Variants in TENM4 observed in about 807,000 individuals in gnomAD.
TENM4 encodes the protein teneurin transmembrane protein 4.
Under a neutral mutation model 243.3 loss-of-function variants are expected in TENM4, and 82 were observed. The ratio of observed to expected loss-of-function variants is 0.34; its 90% CI spans 0.28 to 0.40. TENM4 has a LOEUF of 0.40. TENM4 is among the 10% of genes least tolerant of loss of function. The pLI, the probability that TENM4 is intolerant of heterozygous loss-of-function variation, is 1.00. For missense variants in TENM4, 3,138 were observed against 3,673.3 expected (o/e 0.85, Z 3.77); for synonymous variants, 1,412 against 1,456.3 (o/e 0.97, Z 0.69).
At chr11:79,168,538 A>G (rs1862969080) in intron 3 of TENM4, among the ~76,000 whole-genome samples, 1 of 152,188 alleles carries the variant, frequency 6.6e-6, no homozygotes, top group Non-Finnish European at 1.5e-5. Context: ...AAAGCTAGAC[A>G]CATAGAGGAG....
intron 6 of TENM4, among the ~76,000 whole-genome samples, chr11:78,978,536 A>C (rs1035375115): frequency 4.6e-5 from 7 of 152,136 alleles, no homozygotes; most frequent in Admixed American, 3.3e-4. Context: ...GCAGGAATGA[A>C]CCAAAGTGGG....
chr11:79,415,632 G>A (rs1296929739), intron 1 of TENM4, among the ~76,000 whole-genome samples: 1 of 152,194 alleles, frequency 6.6e-6, no homozygotes, highest in Non-Finnish European at 1.5e-5. Flanking sequence ...TCCACTCACT[G>A]TGGTGGCATC....
chr11:78,764,024 A>G (rs561861092), intron 18 of TENM4, among the ~76,000 whole-genome samples: 197 of 146,874 alleles, frequency 1.3e-3, no homozygotes, highest in Non-Finnish European at 2.5e-3. Context: ...TGGGCCCCTC[A>G]TTTCCCTTTC....
chr11:78,916,949 C>T (rs1388893126), intron 6 of TENM4, among the ~76,000 whole-genome samples: 1 of 152,156 alleles, frequency 6.6e-6, no homozygotes, highest in Admixed American at 6.5e-5. Context: ...ACTTTTGATG[C>T]CTCCTAGAGG....
chr11:78,668,366 G>T (rs780771912), intron 32 of TENM4, among the ~76,000 whole-genome samples: 2 of 152,006 alleles, frequency 1.3e-5, no homozygotes, highest in Non-Finnish European at 2.9e-5. Context: ...TTCAATTTAC[G>T]TATCAGGAAA....
intron 9 of TENM4, among the ~76,000 whole-genome samples, chr11:78,884,616 T>C (rs1003420915): frequency 6.6e-6 from 1 of 152,200 alleles, no homozygotes; most frequent in Non-Finnish European, 1.5e-5. Flanking sequence ...CAGAAAATCA[T>C]ACTCATCCCA....
chr11:79,418,486 G>A (rs1034467134), intron 1 of TENM4, among the ~76,000 whole-genome samples: 2 of 152,182 alleles, frequency 1.3e-5, no homozygotes. Context: ...GGCTCTAAAC[G>A]CCAATTCTGG....
chr11:79,421,993 C>G (rs962314258), intron 1 of TENM4, among the ~76,000 whole-genome samples: 1 of 152,036 alleles, frequency 6.6e-6, no homozygotes, highest in Non-Finnish European at 1.5e-5. Context: ...TAACGCACAC[C>G]CCACACGTGG....
At chr11:79,274,504 ATCT>A (rs1055467740) in intron 2 of TENM4, among the ~76,000 whole-genome samples, 52 of 152,324 alleles carry the variant, frequency 3.4e-4, no homozygotes, top group African/African-American at 1.3e-3. Flanking sequence ...AGCTCCCTGC[ATCT>A]TCTTTATATT....
At chr11:79,242,133 T>C (rs2135283223) in intron 2 of TENM4, among the ~76,000 whole-genome samples, 1 of 152,366 alleles carries the variant, frequency 6.6e-6, no homozygotes, top group South Asian at 2.1e-4. Flanking sequence ...TCGCTTCTTT[T>C]AGGAGCAGAG....
At chr11:79,368,576 A>G (rs1209445851) in intron 1 of TENM4, among the ~76,000 whole-genome samples, 2 of 152,318 alleles carry the variant, frequency 1.3e-5, no homozygotes, top group Non-Finnish European at 2.9e-5. Flanking sequence ...AGTGGTTAAA[A>G]GCACAGGTTC....
intron 15 of TENM4, among the ~76,000 whole-genome samples, chr11:78,804,633 C>G (rs968831631): frequency 5.9e-5 from 9 of 152,204 alleles, no homozygotes; most frequent in Admixed American, 3.9e-4. Context: ...ATGTACAAAC[C>G]CTGTGATGAA....
chr11:79,389,725 T>C (rs976525953), intron 1 of TENM4, among the ~76,000 whole-genome samples: 2 of 152,192 alleles, frequency 1.3e-5, no homozygotes, highest in African/African-American at 2.4e-5. Context: ...TTAGGCAAAA[T>C]GTTATCCCCC....
At chr11:78,663,997 A>G (rs1858090887) in intron 32 of TENM4, among the ~76,000 whole-genome samples, 1 of 152,220 alleles carries the variant, frequency 6.6e-6, no homozygotes. Flanking sequence ...TACTTGTTTC[A>G]GCCTTACTAG....
At chr11:78,982,296 C>T (rs1201288863) in intron 6 of TENM4, among the ~76,000 whole-genome samples, 2 of 152,140 alleles carry the variant, frequency 1.3e-5, no homozygotes, top group African/African-American at 4.8e-5. Context: ...AAGGCAGATA[C>T]AATACATGCT....
intron 6 of TENM4, among the ~76,000 whole-genome samples, chr11:79,024,133 A>G (rs768461434): frequency 6.6e-6 from 1 of 152,064 alleles, no homozygotes; most frequent in South Asian, 2.1e-4. Flanking sequence ...GACGAAGACA[A>G]TGAACGACTT....
Position 78,658,403 on chromosome 11 carries a change from T to G in TENM4, c.7965A>C (p.Val2655=), listed in dbSNP as rs1401121147. ...TGTAGCGTCTAGTCCTGCCATTAAG[T>G]ACTGTGTTGATCTGGGACACAGTGA... is the stretch of plus-strand genomic sequence containing the variant. ...VNVTVSQINT[V]LNGRTRRYTD... Residue 2655 remains valine (V), a synonymous_variant, in exon 34 of 34, where the codon GTA becomes GTC. Transcript: ENST00000278550. 1 of 1,614,066 alleles carries G rather than the reference T, an allele frequency of 6.2e-7. No homozygotes were observed. The highest frequency in any genetic ancestry group is 8.5e-7 in the Non-Finnish European group (1 of 1,179,902).
intron 4 of TENM4, among the ~76,000 whole-genome samples, chr11:79,124,893 ATG>A (rs71050209): frequency 0.078 from 8,676 of 111,610 alleles, 890 homozygotes; most frequent in African/African-American, 0.24. Context: ...GTATATGTAT[ATG>A]TGTGTGTGTG....
rs1374676033 is a variant in TENM4, at chr11:79,139,723, T to TATATA, written c.-66+8982_-66+8986dup. Among the ~76,000 whole-genome samples the TATATA allele has an allele frequency of 2.7e-4, 15 of 54,594 alleles. 1 individual carries two copies. The highest frequency in any genetic ancestry group is 1.8e-3 in the African/African-American group (15 of 8,120). The allele number at this position is 54,594 out of a possible 152,430, so 35.8% of individuals were successfully genotyped here. Reference sequence around the variant, plus strand: ...ATAATATTTATATAAGTATATAAAATATATATTATATTTATATAAATATAT... The same window carrying TATATA: ...ATAATATTTATATAAGTATATAAAATATATAATATATTATATTTATATAAATATAT... On this transcript the variant is annotated intron_variant, in intron 4 of 33. Coordinates refer to ENST00000278550, the MANE Select transcript of TENM4 (RefSeq NM_001098816.3).
Sources: gnomAD v4.1 joint callset for allele counts (sites outside exome capture counted in the v4.1 genomes callset) on GRCh38, gnomAD v4.1.1 for gene constraint, MANE v1.5 for transcripts, NCBI Gene and HGNC (gene_info 2026-07-23, HGNC 2026-07-21) for gene names.